The following LINGO2 variants were observed in gnomAD, a reference collection of about 807,000 sequenced individuals.
LINGO2 encodes leucine rich repeat and Ig domain containing 2.
In LINGO2, 14 loss-of-function variants were observed where a neutral mutation model predicts 30.6. The ratio of observed to expected loss-of-function variants is 0.46; its 90% CI spans 0.30 to 0.72. The LOEUF (loss-of-function observed/expected upper bound fraction) is 0.72. Ranked by LOEUF, LINGO2 falls within the 30% of genes least tolerant of loss-of-function variation. The probability of loss-of-function intolerance (pLI) is 0.07; values close to 1 mark genes in which losing one functional copy is unlikely to be tolerated. For synonymous variants in LINGO2, 317 were observed against 288.5 expected, an observed-to-expected ratio of 1.10 and a Z score of -1.00; for missense variants, 729 against 751.7, an observed-to-expected ratio of 0.97 and a Z score of 0.35.
At chr9:29,172,155 G>T in the LINGO2 span, among the ~76,000 whole-genome samples, 3 of 151,786 alleles carry the variant, frequency 2.0e-5, no homozygotes, top group Non-Finnish European at 3.0e-5. Flanking sequence ...AATCTTGACA[G>T]ATTTTTGACA....
At chr9:28,126,147 G>C (rs1374758097) in intron 4 of LINGO2, among the ~76,000 whole-genome samples, 4 of 152,092 alleles carry the variant, frequency 2.6e-5, no homozygotes, top group African/African-American at 9.7e-5. Flanking sequence ...AATTTTTGTA[G>C]TCAAGGAATG....
At chr9:27,989,265 C>T (rs921917401) in intron 5 of LINGO2, among the ~76,000 whole-genome samples, 5 of 152,000 alleles carry the variant, frequency 3.3e-5, no homozygotes, top group African/African-American at 1.2e-4. Flanking sequence ...TTATTCAAAG[C>T]CTCTGTCACT....
At chr9:28,581,267 C>A (rs556122764) in intron 1 of LINGO2, among the ~76,000 whole-genome samples, 1 of 151,622 alleles carries the variant, frequency 6.6e-6, no homozygotes, top group South Asian at 2.1e-4. Context: ...GTGTTTAATG[C>A]CCAACAACTG....
At chr9:29,100,562 A>C in the LINGO2 span, among the ~76,000 whole-genome samples, 2 of 151,922 alleles carry the variant, frequency 1.3e-5, no homozygotes, top group South Asian at 4.2e-4. Flanking sequence ...ACACTGCCCT[A>C]CAGCCTGGGC....
chr9:29,074,869 G>A, the LINGO2 span, among the ~76,000 whole-genome samples: 1 of 151,018 alleles, frequency 6.6e-6, no homozygotes, highest in Admixed American at 6.6e-5. Context: ...GTAGAAACAG[G>A]GCTTCACTGT....
At chr9:27,967,369 G>C (rs1318725331) in intron 5 of LINGO2, among the ~76,000 whole-genome samples, 1 of 152,024 alleles carries the variant, frequency 6.6e-6, no homozygotes, top group African/African-American at 2.4e-5. Context: ...TCATAAACCA[G>C]ACCCAACAAT....
At chr9:28,994,189 T>C in the LINGO2 span, among the ~76,000 whole-genome samples, 1 of 152,154 alleles carries the variant, frequency 6.6e-6, no homozygotes, top group Non-Finnish European at 1.5e-5. Flanking sequence ...ACAACATCAA[T>C]GTACAAAAAT....
the LINGO2 span, among the ~76,000 whole-genome samples, chr9:28,865,876 T>A: frequency 4.6e-5 from 7 of 152,152 alleles, no homozygotes; most frequent in African/African-American, 1.7e-4. Context: ...AATCCAAATG[T>A]AAAATTAAGT....
intron 2 of LINGO2, among the ~76,000 whole-genome samples, chr9:28,384,196 C>T (rs925383955): frequency 9.9e-5 from 15 of 151,378 alleles, no homozygotes; most frequent in Middle Eastern, 3.4e-3. Context: ...ACCTGCCACT[C>T]AAAACAAAAA....
chr9:29,002,561 G>C, the LINGO2 span, among the ~76,000 whole-genome samples: 1 of 151,986 alleles, frequency 6.6e-6, no homozygotes, highest in Non-Finnish European at 1.5e-5. Context: ...GATATAGCTC[G>C]TAACACTTTG....
the LINGO2 span, among the ~76,000 whole-genome samples, chr9:29,196,542 G>T: frequency 6.6e-6 from 1 of 152,000 alleles, no homozygotes; most frequent in Non-Finnish European, 1.5e-5. Flanking sequence ...TGATGGAAGA[G>T]TCTCCCAAAT....
the LINGO2 span, among the ~76,000 whole-genome samples, chr9:28,802,867 C>T: frequency 2.4e-4 from 37 of 152,032 alleles, no homozygotes; most frequent in African/African-American, 7.7e-4. Context: ...AGTCCCCAAA[C>T]GAGAAAGCTA....
chr9:28,670,760 AT>A (rs1182396735), upstream of LINGO2, among the ~76,000 whole-genome samples: 1 of 152,126 alleles, frequency 6.6e-6, no homozygotes, highest in Non-Finnish European at 1.5e-5. Context: ...AATGTAGGAA[AT>A]GATGGTTATC....
At chr9:28,035,687 G>T (rs1823897733) in intron 4 of LINGO2, among the ~76,000 whole-genome samples, 1 of 152,118 alleles carries the variant, frequency 6.6e-6, no homozygotes, top group Non-Finnish European at 1.5e-5. Flanking sequence ...ATGTCTTAGG[G>T]CACTAGAATT....
At chr9:28,055,921 CCTCA>C (rs1260589888) in intron 4 of LINGO2, among the ~76,000 whole-genome samples, 5 of 152,056 alleles carry the variant, frequency 3.3e-5, no homozygotes, top group African/African-American at 4.8e-5. Flanking sequence ...TTCTCGAGAC[CCTCA>C]CTAAGACAGT....
rs113108758 is a variant in LINGO2, at chr9:28,377,285, A to G, written c.-278-4417T>C. ...CTGCCTTCTCAGTCTACTCAATGTG[A>G]AGAGAAAGAGGATGAAGACCTTTAT... is the stretch of plus-strand genomic sequence containing the variant. On this transcript the variant is annotated intron_variant, in intron 2 of 5. Coordinates refer to ENST00000379992, the Ensembl canonical transcript of LINGO2. 1.9e-3 allele frequency among the ~76,000 whole-genome samples: 293 copies of G among 152,242 alleles called. 3 individuals are homozygous for G. The highest frequency in any genetic ancestry group is 6.3e-3 in the African/African-American group (260 of 41,544).
At chr9:28,160,571 GC>G (rs889796911) in intron 4 of LINGO2, among the ~76,000 whole-genome samples, 1 of 151,900 alleles carries the variant, frequency 6.6e-6, no homozygotes, top group Non-Finnish European at 1.5e-5. Context: ...TTCCCCTCCT[GC>G]CCCCCTTCTG....
chr9:28,172,713 T>A (rs1828637692), intron 4 of LINGO2, among the ~76,000 whole-genome samples: 1 of 152,156 alleles, frequency 6.6e-6, no homozygotes, highest in South Asian at 2.1e-4. Context: ...CAGTGCATTG[T>A]CCTTAAGTAA....
At chr9:29,072,367 TG>T in the LINGO2 span, among the ~76,000 whole-genome samples, 10 of 151,882 alleles carry the variant, frequency 6.6e-5, no homozygotes, top group African/African-American at 2.2e-4. Context: ...TTAGAGATGA[TG>T]GGAATGTTCA....
Sources: gnomAD v4.1 joint callset for allele counts (sites outside exome capture counted in the v4.1 genomes callset) on GRCh38, gnomAD v4.1.1 for gene constraint, MANE v1.5 for transcripts, NCBI Gene and HGNC (gene_info 2026-07-23, HGNC 2026-07-21) for gene names.